Variants in CLSTN2 observed in about 807,000 individuals in gnomAD.
CLSTN2 encodes calsyntenin 2.
Under a neutral mutation model 101.2 loss-of-function variants are expected in CLSTN2, and 48 were observed. The observed-to-expected ratio is 0.47, with a 90% CI of 0.38 to 0.60. The LOEUF is 0.60. Ranked by LOEUF, CLSTN2 falls within the 20% of genes least tolerant of loss-of-function variation. The pLI is 0.00. For missense variants in CLSTN2, 1,160 were observed against 1,238.2 expected, an observed-to-expected ratio of 0.94 and a Z score of 0.95; for synonymous variants, 481 against 463.6, an observed-to-expected ratio of 1.04 and a Z score of -0.48.
intron 2 of CLSTN2, among the ~76,000 whole-genome samples, chr3:140,228,282 C>G (rs1451927271): frequency 1.3e-5 from 2 of 152,204 alleles, no homozygotes; most frequent in East Asian, 1.9e-4. Context: ...CCACAAGTCT[C>G]TAGGGCAGGG....
At chr3:140,537,720 T>C (rs1320897001) in intron 9 of CLSTN2, among the ~76,000 whole-genome samples, 4 of 152,224 alleles carry the variant, frequency 2.6e-5, no homozygotes, top group Non-Finnish European at 4.4e-5. Flanking sequence ...ACTAAATTAA[T>C]TTGTCCTTTT....
chr3:140,214,338 C>T (rs142009688), intron 2 of CLSTN2, among the ~76,000 whole-genome samples: 4 of 152,100 alleles, frequency 2.6e-5, no homozygotes, highest in South Asian at 2.1e-4. Flanking sequence ...CCTGTAGTCC[C>T]AGCTACTCGG....
In CLSTN2 at chr3:140,213,717, G is replaced by T. The variant is rs567751561; in HGVS notation, c.232+37644G>T. Among the ~76,000 whole-genome samples, 9 of 152,270 alleles carry T rather than the reference G, an allele frequency of 5.9e-5. No homozygotes were observed. In the South Asian group the frequency reaches 1.5e-3, roughly 25 times the overall value. The stretch of plus-strand genomic sequence containing the variant: ...GACCGTGTGATGGGGAGAATGCAGG[G>T]CCCCTTGGTTAGCGAGGAGGTTAGC... On this transcript the variant is annotated intron_variant, in intron 2 of 16. Coordinates refer to ENST00000458420, the MANE Select transcript of CLSTN2 (RefSeq NM_022131.3).
At chr3:139,940,066 G>A (rs770844175) in intron 1 of CLSTN2, among the ~76,000 whole-genome samples, 1 of 152,126 alleles carries the variant, frequency 6.6e-6, no homozygotes, top group Non-Finnish European at 1.5e-5. Flanking sequence ...TTTCCTGCAT[G>A]CCTGTGTTTC....
chr3:140,296,992 A>G (rs899905032), intron 2 of CLSTN2, among the ~76,000 whole-genome samples: 2 of 152,236 alleles, frequency 1.3e-5, no homozygotes, highest in African/African-American at 4.8e-5. Flanking sequence ...TCAGACAGAC[A>G]GAGGAGTGCT....
At chr3:140,182,644 G>A (rs1419004827) in intron 2 of CLSTN2, among the ~76,000 whole-genome samples, 1 of 152,156 alleles carries the variant, frequency 6.6e-6, no homozygotes, top group Non-Finnish European at 1.5e-5. Context: ...CCAGTCATGA[G>A]GCTTCAGCCA....
At chr3:140,420,871 G>A (rs746048281) in intron 4 of CLSTN2, among the ~76,000 whole-genome samples, 18 of 146,882 alleles carry the variant, frequency 1.2e-4, no homozygotes, top group South Asian at 4.3e-4. Flanking sequence ...GATTCCAGGC[G>A]TGTGCTCGAA....
chr3:140,548,540 TAAG>T (rs1343712310), intron 10 of CLSTN2, among the ~76,000 whole-genome samples: 1 of 152,070 alleles, frequency 6.6e-6, no homozygotes, highest in Non-Finnish European at 1.5e-5. Context: ...GTAGAATGTT[TAAG>T]AATAGGTAGG....
intron 1 of CLSTN2, among the ~76,000 whole-genome samples, chr3:139,966,019 TAGA>T (rs892767456): frequency 2.0e-5 from 3 of 152,188 alleles, no homozygotes; most frequent in African/African-American, 7.2e-5. Context: ...AGCCAGGTGC[TAGA>T]AGAACTGGGC....
chr3:140,151,945 G>A (rs1015858001), intron 1 of CLSTN2, among the ~76,000 whole-genome samples: 4 of 152,114 alleles, frequency 2.6e-5, no homozygotes, highest in African/African-American at 9.7e-5. Context: ...AGGAGTCTAG[G>A]TGGATATCCA....
chr3:140,566,151 C>T lies in CLSTN2; in HGVS notation c.2766C>T (p.Ser922=), dbSNP rs565723050. The T allele has an allele frequency of 3.0e-5, 48 of 1,611,804 alleles. 1 individual carries two copies. In the South Asian group the frequency reaches 3.5e-4, roughly 12 times the overall value. The stretch of plus-strand genomic sequence containing the variant: ...GCTCCAGCAGTGGCTCTGACGACAG[C>T]GAAGAGGAGGAGGAGGAGGAAGGGA... ...EMSSSSGSDD[S]EEEEEEEGMG... is the part of the protein sequence containing the mutation. Residue 922 remains serine, a synonymous_variant, in exon 17 of 17, where the codon AGC becomes AGT. Coordinates refer to ENST00000458420, the MANE Select transcript of CLSTN2 (RefSeq NM_022131.3).
rs1167053976 is a variant in CLSTN2 at position 140,404,631 on chromosome 3, G to A, written c.502G>A (p.Val168Ile). ...CTTCAAAGAGCCAGCCTACAAGGCT[G>A]TTGTGACGGAGGGCAAGATCTATGA... ...PTFKEPAYKA[V>I]VTEGKIYDSI... The change falls in exon 4 of 17, where the codon GTT (valine) becomes ATT (isoleucine). Residue 168 changes from valine (V) to isoleucine (I), a missense_variant. Physicochemically the swap from Val to Ile is conservative, Grantham distance 29. Transcript: ENST00000458420. The A allele has an allele frequency of 6.2e-7, 1 of 1,614,212 alleles. No homozygotes were observed. Among genetic ancestry groups the A allele is most frequent in the South Asian group, 1.1e-5 (1 of 91,080 alleles).
intron 8 of CLSTN2, among the ~76,000 whole-genome samples, chr3:140,476,860 T>C (rs766797312): frequency 1.3e-5 from 2 of 151,988 alleles, no homozygotes; most frequent in African/African-American, 4.8e-5. Flanking sequence ...GGGATTTCAC[T>C]GTGTTAGCCA....
chr3:139,939,268 G>T (rs1560048430), intron 1 of CLSTN2, among the ~76,000 whole-genome samples: 1 of 152,188 alleles, frequency 6.6e-6, no homozygotes, highest in Non-Finnish European at 1.5e-5. Flanking sequence ...CATTACATGG[G>T]CAATCTCTAA....
At chr3:140,418,048 T>G (rs2088450313) in intron 4 of CLSTN2, among the ~76,000 whole-genome samples, 1 of 152,268 alleles carries the variant, frequency 6.6e-6, no homozygotes, top group Non-Finnish European at 1.5e-5. Context: ...GTCTGCTTAA[T>G]GTTGTACACA....
At chr3:140,066,818 A>G (rs2008307038) in intron 1 of CLSTN2, among the ~76,000 whole-genome samples, 1 of 152,212 alleles carries the variant, frequency 6.6e-6, no homozygotes, top group Admixed American at 6.5e-5. Flanking sequence ...TCAGAAAACT[A>G]TGGCAAAGAG....
intron 2 of CLSTN2, among the ~76,000 whole-genome samples, chr3:140,227,517 C>T (rs1240345103): frequency 3.3e-5 from 5 of 152,228 alleles, no homozygotes; most frequent in Non-Finnish European, 7.3e-5. Flanking sequence ...TGCAAGCTCT[C>T]AGTGGATCTA....
intron 1 of CLSTN2, among the ~76,000 whole-genome samples, chr3:139,961,561 A>G (rs1297918309): frequency 6.6e-6 from 1 of 152,204 alleles, no homozygotes; most frequent in African/African-American, 2.4e-5. Flanking sequence ...CTGAAAGTAG[A>G]AAAAGGAACA....
chr3:140,511,891 T>C (rs1934822858), intron 8 of CLSTN2, among the ~76,000 whole-genome samples: 1 of 152,070 alleles, frequency 6.6e-6, no homozygotes, highest in Admixed American at 6.6e-5. Context: ...TAATGATCAA[T>C]GATGTTGAGC....
Sources: gnomAD v4.1 joint callset for allele counts (sites outside exome capture counted in the v4.1 genomes callset) on GRCh38, gnomAD v4.1.1 for gene constraint, MANE v1.5 for transcripts, NCBI Gene and HGNC (gene_info 2026-07-23, HGNC 2026-07-21) for gene names.